Variants in FER observed in about 807,000 individuals in gnomAD.
FER encodes the protein FER tyrosine kinase.
Under a neutral mutation model 111.0 loss-of-function variants are expected in FER, and 63 were observed. That is an observed-to-expected ratio of 0.57 (90% CI 0.46 to 0.70). The LOEUF is 0.70. Ranked by LOEUF, FER falls within the 30% of genes least tolerant of loss-of-function variation. The probability of loss-of-function intolerance (pLI) is 0.00; values close to 1 mark genes in which losing one functional copy is unlikely to be tolerated. For missense variants in FER, 914 were observed against 954.0 expected, an observed-to-expected ratio of 0.96 and a Z score of 0.55; for synonymous variants, 327 against 313.9, an observed-to-expected ratio of 1.04 and a Z score of -0.44.
chr5:109,052,306 G>A (rs1316833394), intron 16 of FER: 1 of 1,607,740 alleles, frequency 6.2e-7, no homozygotes, highest in Non-Finnish European at 8.5e-7. Flanking sequence ...ACAACGAAAG[G>A]CAGACTGCTC....
intron 10 of FER, among the ~76,000 whole-genome samples, chr5:108,901,319 G>A (rs1050458493): frequency 1.3e-5 from 2 of 152,022 alleles, no homozygotes; most frequent in African/African-American, 2.4e-5. Context: ...GTAAGAGAGG[G>A]GAAGAGGAGT....
chr5:108,850,272 A>G (rs1418581417), intron 5 of FER, among the ~76,000 whole-genome samples: 4 of 150,794 alleles, frequency 2.7e-5, no homozygotes, highest in African/African-American at 9.7e-5. Context: ...ATGATCCTCT[A>G]CTGTTTTTCT....
chr5:108,886,141 G>A (rs1747117456), intron 9 of FER, among the ~76,000 whole-genome samples: 1 of 151,708 alleles, frequency 6.6e-6, no homozygotes, highest in African/African-American at 2.4e-5. Context: ...ATAAGTTGTT[G>A]GAGGAGATGA....
chr5:108,767,259 T>C (rs1010550126), intron 1 of FER, among the ~76,000 whole-genome samples: 6 of 152,140 alleles, frequency 3.9e-5, no homozygotes, highest in Admixed American at 3.3e-4. Flanking sequence ...GTCGAGATCA[T>C]GCCAGAGCAC....
In FER at chr5:109,136,229, G is replaced by A. The variant is rs1414204828; in HGVS notation, c.2048+35710G>A. Among the ~76,000 whole-genome samples, 7 of 151,962 alleles carry A rather than the reference G, an allele frequency of 4.6e-5. No individual in the cohort carries two copies. In the South Asian group the frequency reaches 6.2e-4, roughly 14 times the overall value. ...AATCACTTGAAGCCAGGAGGCAGAG[G>A]TTGCAATGAGCTGAGATCACGCCAC... On this transcript the variant is annotated intron_variant, in intron 17 of 19. Coordinates refer to ENST00000281092, the MANE Select transcript of FER (RefSeq NM_005246.4).
intron 17 of FER, among the ~76,000 whole-genome samples, chr5:109,157,380 G>T (rs1023045213): frequency 5.3e-5 from 8 of 152,026 alleles, no homozygotes; most frequent in African/African-American, 1.9e-4. Context: ...AATTTCCACT[G>T]TTCTAAATTC....
chr5:109,122,468 C>T (rs76741458), intron 17 of FER, among the ~76,000 whole-genome samples: 1,583 of 151,430 alleles, frequency 0.01, 23 homozygotes, highest in African/African-American at 0.037. Context: ...TGTTTTTAGA[C>T]TTATTTTGCT....
intron 16 of FER, among the ~76,000 whole-genome samples, chr5:109,077,543 A>T (rs1160014817): frequency 1.3e-5 from 2 of 152,188 alleles, no homozygotes; most frequent in African/African-American, 4.8e-5. Flanking sequence ...GTTACCATTC[A>T]TTTTAAAGCA....
chr5:109,041,695 G>A (rs72790579), intron 14 of FER, among the ~76,000 whole-genome samples: 16,802 of 152,138 alleles, frequency 0.11, 1,034 homozygotes, highest in Non-Finnish European at 0.14. Context: ...ACACTGGGTA[G>A]ACTGACAGTT....
chr5:108,777,724 A>G (rs930377282), intron 2 of FER, among the ~76,000 whole-genome samples: 7 of 152,228 alleles, frequency 4.6e-5, no homozygotes, highest in Non-Finnish European at 7.3e-5. Context: ...ACAGTTCCAC[A>G]TGACTGGGGA....
intron 10 of FER, among the ~76,000 whole-genome samples, chr5:108,942,894 G>C (rs1756465169): frequency 6.6e-6 from 1 of 152,004 alleles, no homozygotes; most frequent in Non-Finnish European, 1.5e-5. Context: ...TGGAGTTTGA[G>C]CATGAATATT....
intron 5 of FER, among the ~76,000 whole-genome samples, chr5:108,844,983 G>T (rs1761726582): frequency 3.6e-5 from 2 of 54,914 alleles, no homozygotes; most frequent in Non-Finnish European, 6.9e-5. Flanking sequence ...GTTCATTGCT[G>T]GTGTGTGTGT....
chr5:109,082,387 C>G (rs1028007268), intron 16 of FER, among the ~76,000 whole-genome samples: 1 of 152,010 alleles, frequency 6.6e-6, no homozygotes, highest in Non-Finnish European at 1.5e-5. Context: ...AACACAGTCA[C>G]TGCTCTATAC....
At chr5:108,833,137 A>T (rs76754025) in intron 4 of FER, among the ~76,000 whole-genome samples, 194 bp downstream of exon 4, 1 of 152,176 alleles carries the variant, frequency 6.6e-6, no homozygotes, top group Non-Finnish European at 1.5e-5. Flanking sequence ...ATATACTCCT[A>T]TGAAAGAAAA....
chr5:108,920,804 C>T (rs889183652), intron 10 of FER, among the ~76,000 whole-genome samples: 1 of 152,020 alleles, frequency 6.6e-6, no homozygotes, highest in Non-Finnish European at 1.5e-5. Flanking sequence ...TTTTATATTT[C>T]TCCTGCTTAT....
At chr5:109,125,729 C>T (rs1024979975) in intron 17 of FER, among the ~76,000 whole-genome samples, 1 of 152,184 alleles carries the variant, frequency 6.6e-6, no homozygotes, top group African/African-American at 2.4e-5. Flanking sequence ...TCTCTCTCTT[C>T]ATATAGTCCT....
chr5:108,986,151 C>A (rs573560433), intron 13 of FER, among the ~76,000 whole-genome samples: 2 of 152,060 alleles, frequency 1.3e-5, no homozygotes, highest in South Asian at 4.2e-4. Context: ...AAGGTGGTAT[C>A]ACATTGTGGT....
chr5:108,825,500 T>C (rs560520792), intron 3 of FER, among the ~76,000 whole-genome samples: 248 of 152,332 alleles, frequency 1.6e-3, no homozygotes, highest in African/African-American at 5.6e-3. Context: ...CAATTGCTGT[T>C]ATCCTGTTCT....
intron 17 of FER, among the ~76,000 whole-genome samples, chr5:109,112,955 A>T (rs1283298909): frequency 6.6e-6 from 1 of 152,144 alleles, no homozygotes; most frequent in African/African-American, 2.4e-5. Context: ...GAAACCTTTG[A>T]CATTTTCATA....
Sources: allele counts gnomAD v4.1 joint callset (sites outside exome capture counted in the v4.1 genomes callset), GRCh38; gene constraint gnomAD v4.1.1; transcripts MANE v1.5; gene names NCBI Gene and HGNC (gene_info 2026-07-23, HGNC 2026-07-21).